DCX: variants seen among roughly 807,000 people sequenced by gnomAD.
DCX encodes the protein neuronal migration protein doublecortin.
In DCX, 4 loss-of-function variants were observed where a neutral mutation model predicts 20.9. That is an observed-to-expected ratio of 0.19 (90% CI 0.09 to 0.44). The LOEUF is 0.44. Among genes scored for constraint, DCX ranks in the 20% least tolerant of loss-of-function variants. The pLI, the probability that DCX is intolerant of heterozygous loss-of-function variation, is 0.99. For missense variants in DCX, 133 were observed against 296.9 expected, an observed-to-expected ratio of 0.45 and a Z score of 4.06; for synonymous variants, 103 against 111.4, an observed-to-expected ratio of 0.92 and a Z score of 0.47.
intron 3 of DCX, among the ~76,000 whole-genome samples, chrX:111,381,484 TG>T (rs1184432959): frequency 9.1e-6 from 1 of 110,007 alleles, no homozygotes; most frequent in African/African-American, 3.3e-5. Flanking sequence ...TGGGAGGAGG[TG>T]GGGAGGCTGA....
chrX:111,317,853 C>T (rs1027749441), intron 5 of DCX, among the ~76,000 whole-genome samples: 3 of 111,050 alleles, frequency 2.7e-5, no homozygotes, highest in Admixed American at 9.6e-5. Context: ...CAAATCAAAA[C>T]CACAATGAGA....
At chrX:111,362,382 AC>A (rs1924278083) in intron 3 of DCX, among the ~76,000 whole-genome samples, 1 of 111,002 alleles carries the variant, frequency 9.0e-6, no homozygotes, top group Non-Finnish European at 1.9e-5. Flanking sequence ...CAATTATGAT[AC>A]AAGAAATGCG....
At chrX:111,400,528 C>T (rs1301767704) in intron 3 of DCX, among the ~76,000 whole-genome samples, 2 of 112,533 alleles carry the variant, frequency 1.8e-5, no homozygotes, top group Non-Finnish European at 3.7e-5. Flanking sequence ...TTCCCCGTAT[C>T]TGACTTCTTT....
At chrX:111,383,290 G>A (rs779250822) in intron 3 of DCX, among the ~76,000 whole-genome samples, 6 of 111,865 alleles carry the variant, frequency 5.4e-5, no homozygotes, top group African/African-American at 1.9e-4. Flanking sequence ...TGTGCAAGAT[G>A]TTTATGTTTC....
intron 3 of DCX, among the ~76,000 whole-genome samples, chrX:111,367,874 C>T (rs1484453622): frequency 1.8e-5 from 2 of 111,417 alleles, no homozygotes; most frequent in South Asian, 3.8e-4. Context: ...ATCATCTTGC[C>T]CCAGTGGTGG....
chrX:111,314,892 T>G (rs1260180861), intron 5 of DCX, among the ~76,000 whole-genome samples: 9 of 106,677 alleles, frequency 8.4e-5, no homozygotes. Flanking sequence ...TCGCAAAAAT[T>G]TTTTCCCATG....
chrX:111,337,459 A>G (rs1470336052), intron 3 of DCX, among the ~76,000 whole-genome samples: 1 of 111,674 alleles, frequency 9.0e-6, no homozygotes, highest in Non-Finnish European at 1.9e-5. Flanking sequence ...GATAGATTAT[A>G]TGGATAGTCC....
At chrX:111,364,773 G>C (rs912173655) in intron 3 of DCX, among the ~76,000 whole-genome samples, 1 of 111,988 alleles carries the variant, frequency 8.9e-6, no homozygotes, top group Non-Finnish European at 1.9e-5. Flanking sequence ...TAAATGCATA[G>C]ACAAGCTCTG....
chrX:111,397,680 T>C (rs932879816), intron 3 of DCX, among the ~76,000 whole-genome samples: 1 of 112,191 alleles, frequency 8.9e-6, no homozygotes, highest in African/African-American at 3.2e-5. Context: ...CATACCAATA[T>C]TACCATTAAA....
intron 2 of DCX, among the ~76,000 whole-genome samples, chrX:111,403,460 A>G (rs1927968089): frequency 1.8e-5 from 2 of 111,480 alleles, no homozygotes; most frequent in African/African-American, 6.5e-5. Context: ...TGACAGCTAT[A>G]GTATCATATA....
At chrX:111,332,689 G>A (rs1921361689) in intron 4 of DCX, among the ~76,000 whole-genome samples, 2 of 112,089 alleles carry the variant, frequency 1.8e-5, no homozygotes, top group African/African-American at 6.5e-5. Context: ...GTTGGAGGAC[G>A]TTGAATGGAG....
At chrX:111,371,855 G>A (rs1201970120) in intron 3 of DCX, among the ~76,000 whole-genome samples, 2 of 110,599 alleles carry the variant, frequency 1.8e-5, no homozygotes, top group East Asian at 5.7e-4. Flanking sequence ...TACACACAGA[G>A]TAAGAGCTCA....
intron 5 of DCX, among the ~76,000 whole-genome samples, chrX:111,327,197 C>T (rs1603414926): frequency 9.0e-6 from 1 of 111,643 alleles, no homozygotes; most frequent in Admixed American, 9.5e-5. Context: ...TCTTTTGTTA[C>T]TCAGGTTGAA....
intron 5 of DCX, among the ~76,000 whole-genome samples, chrX:111,327,082 T>A (rs2095101223): frequency 8.9e-6 from 1 of 112,160 alleles, no homozygotes; most frequent in Non-Finnish European, 1.9e-5. Flanking sequence ...AATGTTTCAT[T>A]TGGTTAGAAT....
chrX:111,316,824 C>T (rs1195210797), intron 5 of DCX, among the ~76,000 whole-genome samples: 1 of 111,439 alleles, frequency 9.0e-6, no homozygotes, highest in Non-Finnish European at 1.9e-5. Context: ...TCCATTCATA[C>T]TTGTTAGAGA....
chrX:111,408,412 G>C (rs956029918), intron 2 of DCX, among the ~76,000 whole-genome samples: 1 of 109,949 alleles, frequency 9.1e-6, no homozygotes, highest in Non-Finnish European at 1.9e-5. Flanking sequence ...CCTGAGGTCG[G>C]GAGTTCAAGG....
intron 3 of DCX, among the ~76,000 whole-genome samples, chrX:111,365,064 G>A (rs1924505624): frequency 9.5e-6 from 1 of 105,770 alleles, no homozygotes; most frequent in African/African-American, 3.4e-5. Context: ...GCTAATTTTT[G>A]TATTATTATT....
At chrX:111,319,466 T>C in intron 5 of DCX, among the ~76,000 whole-genome samples, 1 of 111,706 alleles carries the variant, frequency 9.0e-6, no homozygotes, top group Non-Finnish European at 1.9e-5. Flanking sequence ...CCAAAGAACA[T>C]GACCTGTGCC....
chrX:111,312,054 T>C (rs1190766601), intron 6 of DCX, among the ~76,000 whole-genome samples: 2 of 112,703 alleles, frequency 1.8e-5, no homozygotes, highest in African/African-American at 6.4e-5. Context: ...TGTTATTTAA[T>C]GATATACTTA....
Sources: gnomAD v4.1 joint callset for allele counts (sites outside exome capture counted in the v4.1 genomes callset) on GRCh38, gnomAD v4.1.1 for gene constraint, MANE v1.5 for transcripts, NCBI Gene and HGNC (gene_info 2026-07-23, HGNC 2026-07-21) for gene names.